FBXO5: variants seen among roughly 807,000 people sequenced by gnomAD.
FBXO5 encodes the protein F-box only protein 5.
Under a neutral mutation model 43.3 loss-of-function variants are expected in FBXO5, and 8 were observed. That is an observed-to-expected ratio of 0.18 (90% CI 0.11 to 0.33). The LOEUF (loss-of-function observed/expected upper bound fraction) is 0.33, where lower values mean the gene tolerates loss of function less well. Ranked by LOEUF, FBXO5 falls within the 10% of genes least tolerant of loss-of-function variation. FBXO5 has a pLI of 1.00. For missense variants in FBXO5, 491 were observed against 535.7 expected (o/e 0.92, Z 0.82); for synonymous variants, 204 against 193.7 (o/e 1.05, Z -0.44).
At position 152,970,892 on chromosome 6, in the gene FBXO5, T is replaced by C; in HGVS notation, c.*271A>G. ...TACCATAAAATTGAATCAATTTTTT[T>C]TTACCCTCAGTATCACTATCTACTT... On this transcript the variant is annotated 3_prime_UTR_variant, in exon 5 of 5. Coordinates refer to ENST00000229758, the MANE Select transcript of FBXO5 (RefSeq NM_012177.5). 1 of 261,658 alleles carries C rather than the reference T, an allele frequency of 3.8e-6. No individual in the cohort carries two copies. Among genetic ancestry groups the C allele is most frequent in the Non-Finnish European group, 7.2e-6 (1 of 139,760 alleles). The allele number at this position is 261,658 out of a possible 1,614,324, so 16.2% of individuals were successfully genotyped here. A position where few individuals can be genotyped will look rare whatever the true frequency, so the allele number is the denominator to read the frequency against.
chr6:152,980,801 G>A (rs1778248388), intron 1 of FBXO5, among the ~76,000 whole-genome samples: 1 of 152,046 alleles, frequency 6.6e-6, no homozygotes, highest in African/African-American at 2.4e-5. Context: ...CTTGAGTATC[G>A]AAGGTATACA....
At chr6:152,979,574 G>A (rs988618622) in intron 1 of FBXO5, among the ~76,000 whole-genome samples, 1 of 152,188 alleles carries the variant, frequency 6.6e-6, no homozygotes, top group African/African-American at 2.4e-5. Context: ...CACACTTAAA[G>A]GAGTGGGGAG....
chr6:152,975,192 A>G lies in FBXO5; in HGVS notation c.533T>C (p.Leu178Pro), dbSNP rs1346442943. 1.9e-6 allele frequency: 3 copies of G among 1,614,206 alleles called. No homozygotes were observed. Among genetic ancestry groups the G allele is most frequent in the Non-Finnish European group, 2.5e-6 (3 of 1,180,030 alleles). Residue 178 changes from leucine to proline, a missense_variant, in exon 2 of 5, where the codon CTA becomes CCA. Physicochemically the swap from Leu to Pro is moderately conservative, Grantham distance 98. Coordinates refer to ENST00000229758, the MANE Select transcript of FBXO5 (RefSeq NM_012177.5). ...NFGDSLQSCL[L>P]QIQSPDQYPN... ...ATATTGGTCTGGGCTTTGTATTTGTAGCAGGCAGGATTGTAGACTGTCACC... is the reference window on the plus strand; with the variant it reads ...ATATTGGTCTGGGCTTTGTATTTGTGGCAGGCAGGATTGTAGACTGTCACC...
intron 1 of FBXO5, among the ~76,000 whole-genome samples, chr6:152,978,001 G>A (rs1202665824): frequency 6.6e-6 from 1 of 152,114 alleles, no homozygotes; most frequent in Non-Finnish European, 1.5e-5. Flanking sequence ...GTAGGATGGG[G>A]AATTGTTATT....
At chr6:152,975,700 G>A in intron 1 of FBXO5, 79 bp from the exon 2 acceptor site, 1 of 882,044 alleles carries the variant, frequency 1.1e-6, no homozygotes, top group South Asian at 1.7e-5. Context: ...GATATACAAA[G>A]ATTACTTTGC....
chr6:152,971,133 A>G lies in FBXO5; in HGVS notation c.*30T>C, dbSNP rs1218818514. 11 of 1,562,982 alleles carry G rather than the reference A, an allele frequency of 7.0e-6. No homozygotes were observed. Among genetic ancestry groups the G allele is most frequent in the Non-Finnish European group, 6.9e-6 (8 of 1,158,170 alleles). On this transcript the variant is annotated 3_prime_UTR_variant, in exon 5 of 5. Coordinates refer to ENST00000229758, the MANE Select transcript of FBXO5 (RefSeq NM_012177.5). ...ACCTAACATTTTCTAACTAACATTC[A>G]TGATCAGTAACAATTGATTTAATAA...
Position 152,971,114 on chromosome 6 carries a change from C to T in FBXO5, c.*49G>A. ...CAATTTTTTTTAAGTTAAAACCTAA[C>T]ATTTTCTAACTAACATTCATGATCA... On this transcript the variant is annotated 3_prime_UTR_variant, in exon 5 of 5. Coordinates refer to ENST00000229758, the MANE Select transcript of FBXO5 (RefSeq NM_012177.5). 6.6e-7 allele frequency: 1 copy of T among 1,520,004 alleles called. No homozygotes were observed. The highest frequency in any genetic ancestry group is 8.8e-7 in the Non-Finnish European group (1 of 1,133,162). 94.2% of individuals were successfully genotyped at this position (1,520,004 alleles called of 1,614,324 possible). A position where few individuals can be genotyped will look rare whatever the true frequency, so the allele number is the denominator to read the frequency against.
intron 4 of FBXO5, 39 bp from the exon 5 acceptor site, chr6:152,971,453 A>C (rs762566478): frequency 2.9e-5 from 46 of 1,562,574 alleles, no homozygotes; most frequent in Non-Finnish European, 3.9e-5. Flanking sequence ...AATTTCAGCA[A>C]GAATTACATG....
chr6:152,976,508 C>T (rs146540692), intron 1 of FBXO5, among the ~76,000 whole-genome samples: 4 of 152,202 alleles, frequency 2.6e-5, no homozygotes, highest in South Asian at 2.1e-4. Context: ...AGACATTCCA[C>T]GACTAATTTA....
At position 152,978,666 on chromosome 6, in the gene FBXO5, A is replaced by G. The variant is rs755034385; in HGVS notation, c.104-3045T>C. 2.0e-5 allele frequency among the ~76,000 whole-genome samples: 3 copies of G among 152,244 alleles called. No homozygotes were observed. The East Asian group carries it at 5.8e-4, about 29-fold the overall frequency. On this transcript the variant is annotated intron_variant, in intron 1 of 4. Coordinates refer to ENST00000229758, the MANE Select transcript of FBXO5 (RefSeq NM_012177.5). Reference sequence around the variant, plus strand: ...AAATGACTACCACGTTCCTCTTGCAACAACAGTATTTTCACATGGATAATT... The same window carrying G: ...AAATGACTACCACGTTCCTCTTGCAGCAACAGTATTTTCACATGGATAATT...
intron 2 of FBXO5, chr6:152,973,499 ACTG>A (rs200748095): frequency 0.019 from 3,226 of 168,082 alleles, 43 homozygotes; most frequent in Non-Finnish European, 0.026. Flanking sequence ...CTCTAGGCAC[ACTG>A]CTATTAGAAA....
chr6:152,981,103 C>A (rs549171183), intron 1 of FBXO5, among the ~76,000 whole-genome samples: 1 of 152,166 alleles, frequency 6.6e-6, no homozygotes, highest in Non-Finnish European at 1.5e-5. Context: ...AGAATCAGAT[C>A]CAAGTTTGAA....
At chr6:152,972,507 A>G (rs1160353270) in intron 3 of FBXO5, 53 bp from the exon 4 acceptor site, 2 of 1,240,076 alleles carry the variant, frequency 1.6e-6, no homozygotes, top group South Asian at 1.5e-5. Flanking sequence ...CTGTATCCTC[A>G]ATGAGACATT....
intron 3 of FBXO5, 68 bp from the exon 4 acceptor site, chr6:152,972,522 T>C (rs1402829555): frequency 1.8e-5 from 20 of 1,091,722 alleles, no homozygotes; most frequent in Non-Finnish European, 2.3e-5. Flanking sequence ...GACATTTTTA[T>C]GTTTGTACAT....
At chr6:152,981,407 T>C (rs908809630) in intron 1 of FBXO5, among the ~76,000 whole-genome samples, 5 of 152,320 alleles carry the variant, frequency 3.3e-5, no homozygotes, top group Middle Eastern at 3.4e-3. Context: ...CTCTAATACC[T>C]ACAGATAACG....
chr6:152,973,065 T>C lies in FBXO5; in HGVS notation c.890A>G (p.Lys297Arg). Residue 297 changes from lysine to arginine, a missense_variant, in exon 3 of 5, where the codon AAA (lysine) becomes AGA (arginine). Coordinates refer to ENST00000229758, the MANE Select transcript of FBXO5 (RefSeq NM_012177.5). ...DDKGAFQLYS[K>R]AIQRVTENNN... is the part of the protein sequence containing the mutation. The stretch of plus-strand genomic sequence containing the variant: ...ACTTACGGTAACTCTTTGTATTGCT[T>C]TACTGTACAACTGGAATGCCCCCTT... 6.2e-7 allele frequency: 1 copy of C among 1,613,888 alleles called. No homozygotes were observed. The highest frequency in any genetic ancestry group is 1.1e-5 in the South Asian group (1 of 91,080).
chr6:152,972,322 G>C lies in FBXO5; in HGVS notation c.1042C>G (p.Gln348Glu). 6.2e-7 allele frequency: 1 copy of C among 1,612,992 alleles called. No individual in the cohort carries two copies. The highest frequency in any genetic ancestry group is 1.3e-5 in the African/African-American group (1 of 75,020). Residue 348 changes from glutamine to glutamate, a missense_variant, in exon 4 of 5, where the codon CAA (glutamine) becomes GAA (glutamate). Gln to Glu is a conservative substitution (Grantham distance 29). Transcript: ENST00000229758. ...TAAGTAGAACCTTTCTGATCACCTT[G>C]ATTGGATAACTTGGTTTGAGCATCT... The part of the protein sequence containing the change: ...KKDAQTKLSN[Q>E]GDQKGSTYSR...
At chr6:152,978,325 T>C (rs1778203172) in intron 1 of FBXO5, among the ~76,000 whole-genome samples, 1 of 138,792 alleles carries the variant, frequency 7.2e-6, no homozygotes, top group Non-Finnish European at 1.5e-5. Flanking sequence ...TCTTTTCCAC[T>C]TCCTTTGCTT....
intron 1 of FBXO5, among the ~76,000 whole-genome samples, chr6:152,982,486 G>A (rs539705848): frequency 6.6e-6 from 1 of 152,248 alleles, no homozygotes; most frequent in African/African-American, 2.4e-5. Flanking sequence ...GGGCCCCGGG[G>A]TGGGGGAGGG....
Sources: allele counts gnomAD v4.1 joint callset (sites outside exome capture counted in the v4.1 genomes callset), GRCh38; gene constraint gnomAD v4.1.1; transcripts MANE v1.5; gene names NCBI Gene and HGNC (gene_info 2026-07-23, HGNC 2026-07-21).